Variants in RSRC1 observed in about 807,000 individuals in gnomAD.
RSRC1 encodes arginine and serine rich coiled-coil 1, also known as serine/Arginine-related protein 53.
Under a neutral mutation model 49.1 loss-of-function variants are expected in RSRC1, and 39 were observed. That is an observed-to-expected ratio of 0.79 (90% CI 0.61 to 1.04). RSRC1 has a LOEUF of 1.04. Ranked by LOEUF, RSRC1 falls within the 50% of genes least tolerant of loss-of-function variation. The pLI is 0.00. For missense variants in RSRC1, 388 were observed against 402.4 expected, an observed-to-expected ratio of 0.96 and a Z score of 0.31; for synonymous variants, 143 against 130.8, an observed-to-expected ratio of 1.09 and a Z score of -0.63.
intron 7 of RSRC1, among the ~76,000 whole-genome samples, chr3:158,498,922 A>C (rs1342439926): frequency 6.6e-6 from 1 of 152,054 alleles, no homozygotes; most frequent in Non-Finnish European, 1.5e-5. Context: ...CTGTTCCATT[A>C]GTCTATGTGC....
intron 1 of RSRC1, among the ~76,000 whole-genome samples, chr3:158,120,437 T>C (rs1715168952): frequency 6.6e-6 from 1 of 151,566 alleles, no homozygotes; most frequent in Non-Finnish European, 1.5e-5. Context: ...CTGATGCTTC[T>C]GAAAGCAAAG....
intron 4 of RSRC1, among the ~76,000 whole-genome samples, chr3:158,264,423 C>A (rs1219238262): frequency 6.6e-6 from 1 of 152,098 alleles, no homozygotes; most frequent in Admixed American, 6.6e-5. Flanking sequence ...ATTTAGACTT[C>A]TTTTATGGCT....
At chr3:158,213,062 A>G (rs976137134) in intron 4 of RSRC1, among the ~76,000 whole-genome samples, 1 of 151,980 alleles carries the variant, frequency 6.6e-6, no homozygotes, top group Admixed American at 6.6e-5. Context: ...CAGCACAAGT[A>G]TAGAATCAGA....
chr3:158,397,465 C>T (rs984068051), intron 6 of RSRC1, among the ~76,000 whole-genome samples: 25 of 152,194 alleles, frequency 1.6e-4, no homozygotes, highest in African/African-American at 3.9e-4. Flanking sequence ...CCTACTTAGC[C>T]GGTGAGTATT....
At chr3:158,146,555 G>C (rs1717131449) in intron 3 of RSRC1, among the ~76,000 whole-genome samples, 1 of 152,102 alleles carries the variant, frequency 6.6e-6, no homozygotes. Flanking sequence ...GGATTTTTGT[G>C]TCAATGTACA....
At chr3:158,156,536 T>C (rs1717889666) in intron 3 of RSRC1, among the ~76,000 whole-genome samples, 1 of 152,240 alleles carries the variant, frequency 6.6e-6, no homozygotes, top group Admixed American at 6.5e-5. Context: ...TTTTTGGCTT[T>C]TGATATGCCT....
At chr3:158,402,105 GT>G (rs1428002126) in intron 6 of RSRC1, among the ~76,000 whole-genome samples, 3 of 151,790 alleles carry the variant, frequency 2.0e-5, no homozygotes, top group Admixed American at 2.0e-4. Flanking sequence ...CCCAAGGCAG[GT>G]TTGTTTGGGT....
chr3:158,397,072 T>C (rs1215772608), intron 6 of RSRC1, among the ~76,000 whole-genome samples: 1 of 152,174 alleles, frequency 6.6e-6, no homozygotes, highest in Non-Finnish European at 1.5e-5. Flanking sequence ...TTTAAAAAAA[T>C]CTAATCTTTA....
chr3:158,160,090 A>G (rs1322500600), intron 3 of RSRC1, among the ~76,000 whole-genome samples: 1 of 152,156 alleles, frequency 6.6e-6, no homozygotes. Context: ...GTGAGTATGA[A>G]TGAGAAGGCA....
intron 5 of RSRC1, among the ~76,000 whole-genome samples, chr3:158,310,488 G>A (rs181908142): frequency 2.6e-5 from 4 of 151,528 alleles, no homozygotes; most frequent in East Asian, 1.9e-4. Context: ...TTGGTTTTTC[G>A]CAGGAACGAA....
At chr3:158,353,998 T>C (rs911781516) in intron 5 of RSRC1, among the ~76,000 whole-genome samples, 1 of 136,774 alleles carries the variant, frequency 7.3e-6, no homozygotes. Flanking sequence ...TCTTTTTCTT[T>C]TTTTTTTTTT....
At chr3:158,205,409 A>C (rs950838647) in intron 4 of RSRC1, among the ~76,000 whole-genome samples, 1 of 152,162 alleles carries the variant, frequency 6.6e-6, no homozygotes, top group African/African-American at 2.4e-5. Context: ...TCAAATATGC[A>C]CATTCATTCA....
chr3:158,459,257 A>G (rs1200113018), intron 6 of RSRC1, among the ~76,000 whole-genome samples: 1 of 152,186 alleles, frequency 6.6e-6, no homozygotes, highest in Non-Finnish European at 1.5e-5. Context: ...TTGTCCATGT[A>G]TAGCAACAAA....
chr3:158,307,176 A>G (rs1253818943), intron 5 of RSRC1, among the ~76,000 whole-genome samples: 6 of 151,856 alleles, frequency 4.0e-5, no homozygotes, highest in Admixed American at 3.9e-4. Flanking sequence ...ATTATTTTTA[A>G]GGAAAAATTA....
At chr3:158,307,584 G>T (rs1727906850) in intron 5 of RSRC1, among the ~76,000 whole-genome samples, 2 of 151,638 alleles carry the variant, frequency 1.3e-5, no homozygotes, top group African/African-American at 2.4e-5. Flanking sequence ...TTTATACCAA[G>T]AATAATATTA....
intron 6 of RSRC1, among the ~76,000 whole-genome samples, chr3:158,449,811 C>G (rs1305870212): frequency 6.6e-6 from 1 of 151,828 alleles, no homozygotes; most frequent in Non-Finnish European, 1.5e-5. Flanking sequence ...GGTAAATTCT[C>G]CCTGGCAGTA....
chr3:158,435,976 A>T (rs1736020351), intron 6 of RSRC1, among the ~76,000 whole-genome samples: 1 of 151,896 alleles, frequency 6.6e-6, no homozygotes, highest in Non-Finnish European at 1.5e-5. Context: ...TGAGACACTG[A>T]TAAATCTCAG....
intron 5 of RSRC1, among the ~76,000 whole-genome samples, chr3:158,312,686 C>CT: frequency 6.6e-6 from 1 of 151,726 alleles, no homozygotes; most frequent in Non-Finnish European, 1.5e-5. Flanking sequence ...TTAGAAATAT[C>CT]TTATCTTGAG....
In RSRC1 at chr3:158,278,742, G is replaced by C. The variant is rs2108071337; in HGVS notation, c.495-19297G>C. 1.3e-5 allele frequency among the ~76,000 whole-genome samples: 2 copies of C among 152,256 alleles called. 1 individual carries two copies. Among genetic ancestry groups the C allele is most frequent in the South Asian group, 4.2e-4 (2 of 4,818 alleles). ...TTGACTGCATTCAAACACTAATTAA[G>C]TCATCTTTGGTAAATGGCTTTCATT... On this transcript the variant is annotated intron_variant, in intron 4 of 9. Transcript: ENST00000611884.
Sources: allele counts gnomAD v4.1 joint callset (sites outside exome capture counted in the v4.1 genomes callset), GRCh38; gene constraint gnomAD v4.1.1; transcripts MANE v1.5; gene names NCBI Gene and HGNC (gene_info 2026-07-23, HGNC 2026-07-21).